Variants in COPG1 observed in about 807,000 individuals in gnomAD.
COPG1 encodes coat protein complex I subunit gamma 1, also known as coatomer subunit gamma-1.
COPG1 carries 29 observed loss-of-function variants against 102.8 expected under a neutral mutation model. The observed-to-expected ratio is 0.28, with a 90% CI of 0.21 to 0.38. The LOEUF (loss-of-function observed/expected upper bound fraction) is 0.38, where lower values mean the gene tolerates loss of function less well. Ranked by LOEUF, COPG1 falls within the 10% of genes least tolerant of loss-of-function variation. The pLI is 1.00. For missense variants in COPG1, 875 were observed against 1,132.7 expected (o/e 0.77, Z 3.27); for synonymous variants, 406 against 421.6 (o/e 0.96, Z 0.45).
chr3:129,277,183 C>G, intron 23 of COPG1, 111 bp from the exon 24 acceptor site: 1 of 1,100,322 alleles, frequency 9.1e-7, no homozygotes, highest in Non-Finnish European at 1.4e-6. Context: ...GCTCTCCTGC[C>G]CGTTTCACTA....
In COPG1 at chr3:129,256,092, G is replaced by T. The variant is rs369168388; in HGVS notation, c.517G>T (p.Val173Leu). The T allele has an allele frequency of 6.2e-7, 1 of 1,613,942 alleles. No homozygotes were observed. Among genetic ancestry groups the T allele is most frequent in the South Asian group, 1.1e-5 (1 of 91,074 alleles). Residue 173 changes from valine to leucine, a missense_variant, in exon 8 of 24, where the codon GTG (valine) becomes TTG (leucine). Val to Leu is a conservative substitution (Grantham distance 32, BLOSUM62 1). Coordinates refer to ENST00000314797, the MANE Select transcript of COPG1 (RefSeq NM_016128.4). ...GCACCTGCTGAAGTGCAGCTTTGAC[G>T]TGGTCAAGCGCTGGGTGAATGAGGC... Reference protein sequence around the residue: ...SLHLLKCSFDVVKRWVNEAQE... With the variant: ...SLHLLKCSFDLVKRWVNEAQE...
chr3:129,252,766 T>C lies in COPG1; in HGVS notation c.243+72T>C, dbSNP rs1313960780. ...AGGTGGTGGGAGGGCCAAAGAGAGC[T>C]GGCCCCACCAGTCAGTGTGGGCTGC... On this transcript the variant is annotated intron_variant, in intron 4 of 23. Coordinates refer to ENST00000314797, the MANE Select transcript of COPG1 (RefSeq NM_016128.4). 17 of 1,548,916 alleles carry C rather than the reference T, an allele frequency of 1.1e-5. 1 individual carries two copies. The East Asian group carries it at 3.6e-4, about 33-fold the overall frequency.
At chr3:129,252,133 A>T in intron 2 of COPG1, 148 bp from the exon 3 acceptor site, 1 of 612,308 alleles carries the variant, frequency 1.6e-6, no homozygotes, top group Non-Finnish European at 3.0e-6. Context: ...AGAAAAACAA[A>T]CCCTTTCCTT....
rs1939842879 is a variant in COPG1, at chr3:129,257,747, A to C, written c.758A>C (p.Asp253Ala). ...EDGSRDSPLF[D>A]FIESCLRNKH... ...TGTAGCCGTGACAGCCCACTGTTTG[A>C]CTTCATCGAGAGCTGCTTGCGCAAC... The change falls in exon 10 of 24, where the codon GAC becomes GCC. Residue 253 changes from aspartate to alanine, a missense_variant. Transcript: ENST00000314797. The C allele has an allele frequency of 6.2e-7, 1 of 1,613,888 alleles. No homozygotes were observed. Among genetic ancestry groups the C allele is most frequent in the Non-Finnish European group, 8.5e-7 (1 of 1,179,960 alleles).
At chr3:129,277,149 C>A in intron 23 of COPG1, 145 bp from the exon 24 acceptor site, 1 of 778,304 alleles carries the variant, frequency 1.3e-6, no homozygotes, top group South Asian at 1.6e-5. Flanking sequence ...ACAGTGAAAT[C>A]CCTCACTCAG....
In COPG1 at chr3:129,267,106, C is replaced by T; in HGVS notation, c.1544+7C>T. ...TCTTGGTGTTGCTGAAGAGGTGAGT[C>T]TAGGCCCAGGGGCCCTAATGGGGAC... On this transcript the variant is annotated splice_region_variant and intron_variant, in intron 15 of 23. Coordinates refer to ENST00000314797, the MANE Select transcript of COPG1 (RefSeq NM_016128.4). 1 of 1,612,444 alleles carries T rather than the reference C, an allele frequency of 6.2e-7. No individual in the cohort carries two copies.
rs773136279 is a variant in COPG1, at chr3:129,250,694, A to G, written c.50A>G (p.Asn17Ser). The G allele has an allele frequency of 1.1e-5, 17 of 1,614,056 alleles. No individual in the cohort carries two copies. Among genetic ancestry groups the G allele is most frequent in the South Asian group, 5.5e-5 (5 of 91,082 alleles). The stretch of plus-strand genomic sequence containing the variant: ...TCCTTGACCGTAGGTGGAGGCTCCA[A>G]CCCATTCCAGCACCTTGAGAAGAGT... ...KKDEESGGGS[N>S]PFQHLEKSAV... The change falls in exon 2 of 24, where the codon AAC (asparagine) becomes AGC (serine). Residue 17 changes from asparagine to serine, a missense_variant. By Grantham distance (46) the Asn-to-Ser change is conservative. Transcript: ENST00000314797.
intron 13 of COPG1, 115 bp from the exon 14 acceptor site, chr3:129,265,434 C>A: frequency 7.6e-7 from 1 of 1,319,090 alleles, no homozygotes; most frequent in Non-Finnish European, 1.0e-6. Flanking sequence ...GCCCAGAGAA[C>A]CAAGTGCCCT....
chr3:129,270,104 A>G (rs1257845598), intron 18 of COPG1, among the ~76,000 whole-genome samples: 1 of 149,188 alleles, frequency 6.7e-6, no homozygotes, highest in Non-Finnish European at 1.5e-5. Context: ...TTATGATTAC[A>G]CTGGCCCCCC....
intron 2 of COPG1, 35 bp from the exon 3 acceptor site, chr3:129,252,246 G>A: frequency 7.0e-7 from 1 of 1,421,510 alleles, no homozygotes; most frequent in Non-Finnish European, 9.9e-7. Flanking sequence ...AATGAACTAG[G>A]CTAGAAGGTA....
chr3:129,266,956 G>A (rs2107677478), intron 14 of COPG1, 68 bp from the exon 15 acceptor site: 2 of 1,395,516 alleles, frequency 1.4e-6, no homozygotes, highest in Non-Finnish European at 2.0e-6. Flanking sequence ...CATTCTGAGT[G>A]CTGGAAGTGC....
rs377018768 is a variant in COPG1, at chr3:129,271,889, A to G, written c.1966A>G (p.Thr656Ala). 6.2e-7 allele frequency: 1 copy of G among 1,614,012 alleles called. No homozygotes were observed. Among genetic ancestry groups the G allele is most frequent in the African/African-American group, 1.3e-5 (1 of 75,010 alleles). ...YVIRCTKHTF[T>A]NHMVFQFDCT... ...CATCCGCTGCACCAAACACACCTTCACCAACCACATGGTTTTTCAGGTGAG... is the reference window on the plus strand; with the variant it reads ...CATCCGCTGCACCAAACACACCTTCGCCAACCACATGGTTTTTCAGGTGAG... The change falls in exon 19 of 24, where the codon ACC becomes GCC. Residue 656 changes from threonine to alanine, a missense_variant. Coordinates refer to ENST00000314797, the MANE Select transcript of COPG1 (RefSeq NM_016128.4). The surrounding 1 kb of genome is among the most constrained non-coding windows in gnomAD (Gnocchi z 4.7).
In COPG1 at chr3:129,265,671, A is replaced by G. The variant is rs62266882; in HGVS notation, c.1347A>G (p.Thr449=). 7 of 1,614,222 alleles carry G rather than the reference A, an allele frequency of 4.3e-6. No homozygotes were observed. Among genetic ancestry groups the G allele is most frequent in the Admixed American group, 3.3e-5 (2 of 60,022 alleles). Residue 449 remains threonine (T), a synonymous_variant, in exon 14 of 24, where the codon ACA becomes ACG. Coordinates refer to ENST00000314797, the MANE Select transcript of COPG1 (RefSeq NM_016128.4). ...LCEFIEDCEF[T]VLATRILHLL... is the part of the protein sequence containing the mutation. ...AGTTCATCGAGGACTGCGAGTTCAC[A>G]GTGCTGGCCACCCGTATTCTACATC...
chr3:129,252,163 A>C (rs1939713271), intron 2 of COPG1, 118 bp from the exon 3 acceptor site: 2 of 688,808 alleles, frequency 2.9e-6, no homozygotes, highest in East Asian at 2.5e-5. Flanking sequence ...AGCTTGTTGC[A>C]TACCCAGAAA....
At chr3:129,264,092 A>G in intron 13 of COPG1, 93 bp downstream of exon 13, 1 of 1,065,096 alleles carries the variant, frequency 9.4e-7, no homozygotes, top group Non-Finnish European at 1.4e-6. Flanking sequence ...GCGTGTGCTT[A>G]TGTTAGCCTG....
intron 12 of COPG1, among the ~76,000 whole-genome samples, chr3:129,262,154 T>A (rs1293792649): frequency 3.3e-5 from 5 of 152,044 alleles, no homozygotes; most frequent in African/African-American, 1.2e-4. Context: ...TGGCTCATGC[T>A]TGTAGTCTCA....
intron 8 of COPG1, among the ~76,000 whole-genome samples, 178 bp from the exon 9 acceptor site, chr3:129,257,292 A>G (rs1939829004): frequency 6.6e-6 from 1 of 152,170 alleles, no homozygotes; most frequent in Non-Finnish European, 1.5e-5. Flanking sequence ...TTTGTGAAGC[A>G]TTGTGTGGAG....
intron 1 of COPG1, 146 bp downstream of exon 1, chr3:129,249,892 C>A: frequency 1.3e-6 from 1 of 778,824 alleles, no homozygotes; most frequent in Non-Finnish European, 2.0e-6. Context: ...TGGCAGGCCT[C>A]GGAGAGCCCG....
At chr3:129,251,972 A>G (rs1939708937) in intron 2 of COPG1, among the ~76,000 whole-genome samples, 1 of 152,222 alleles carries the variant, frequency 6.6e-6, no homozygotes, top group Non-Finnish European at 1.5e-5. Context: ...GGTGTGAGCT[A>G]CTGCGTCCAG....
Sources: allele counts gnomAD v4.1 joint callset (sites outside exome capture counted in the v4.1 genomes callset), GRCh38; gene constraint gnomAD v4.1.1; non-coding constraint Gnocchi (gnomAD v3.1); transcripts MANE v1.5; gene names NCBI Gene and HGNC (gene_info 2026-07-23, HGNC 2026-07-21).